Variants in ABL1 observed in about 807,000 individuals in gnomAD.
ABL1 encodes the protein tyrosine-protein kinase ABL1.
A neutral mutation model predicts 94.7 loss-of-function variants in ABL1; 11 were observed. The observed-to-expected ratio is 0.12, with a 90% CI of 0.07 to 0.19. ABL1 has a LOEUF of 0.19. ABL1 is among the 10% of genes least tolerant of loss of function. The pLI is 1.00. For synonymous variants in ABL1, 656 were observed against 622.4 expected (o/e 1.05, Z -0.80); for missense variants, 1,082 against 1,489.4 (o/e 0.73, Z 4.50).
rs1162506997 is a variant in ABL1, at chr9:130,765,164, T to C, written c.136+50709T>C. Among the ~76,000 whole-genome samples the C allele has an allele frequency of 2.0e-5, 3 of 152,176 alleles. No individual in the cohort carries two copies. The East Asian group carries it at 5.8e-4, about 29-fold the overall frequency. Reference sequence around the variant, plus strand: ...GCTTCCTGAAATTACATGCAAACATTTGTGCAGTCTCATGTTTGGTTATTG... The same window carrying C: ...GCTTCCTGAAATTACATGCAAACATCTGTGCAGTCTCATGTTTGGTTATTG... On this transcript the variant is annotated intron_variant, in intron 1 of 10. Coordinates refer to the ABL1 transcript ENST00000372348.
intron 4 of ABL1, among the ~76,000 whole-genome samples, chr9:130,865,413 A>C (rs1003074424): frequency 6.6e-6 from 1 of 152,218 alleles, no homozygotes; most frequent in African/African-American, 2.4e-5. Context: ...CTATTTGTCA[A>C]ATAAGATTAG....
intron 8 of ABL1, among the ~76,000 whole-genome samples, chr9:130,879,011 G>A (rs1474634524): frequency 6.6e-6 from 1 of 151,878 alleles, no homozygotes; most frequent in East Asian, 1.9e-4. Context: ...CCAAGTAGCT[G>A]GGATTACAGG....
At chr9:130,780,993 A>T (rs1829747977) in intron 1 of ABL1, among the ~76,000 whole-genome samples, 1 of 152,198 alleles carries the variant, frequency 6.6e-6, no homozygotes, top group African/African-American at 2.4e-5. Context: ...GTTGGCTCTG[A>T]AGCCAGCCTT....
chr9:130,715,427 T>G (rs1238361793), intron 1 of ABL1, among the ~76,000 whole-genome samples: 1 of 152,234 alleles, frequency 6.6e-6, no homozygotes, highest in East Asian at 1.9e-4. Flanking sequence ...ATTGGGTGAC[T>G]GCAGTCAACA....
chr9:130,714,225 T>G, exon 1 of ABL1: 3 of 1,259,938 alleles, frequency 2.4e-6, no homozygotes, highest in Non-Finnish European at 3.2e-6. Context: ...GCAGCGAATG[T>G]GAAATCCCAC....
At chr9:130,796,021 AAG>A (rs1829969467) in intron 1 of ABL1, among the ~76,000 whole-genome samples, 1 of 151,800 alleles carries the variant, frequency 6.6e-6, no homozygotes, top group Non-Finnish European at 1.5e-5. Context: ...CAAAAATACA[AAG>A]TTAGCTGGGT....
At position 130,863,732 on chromosome 9, in the gene ABL1, A is replaced by ATT. The variant is rs1465704617; in HGVS notation, c.822+700_822+701dup. 6.6e-6 allele frequency among the ~76,000 whole-genome samples: 1 copy of ATT among 152,098 alleles called. No individual in the cohort carries two copies. The highest frequency in any genetic ancestry group is 1.9e-4 in the East Asian group (1 of 5,204). ...AGGACGCCAAGGGAAGGAAGTTTTC[A>ATT]TTTTCAGCCCTTTGCATTCTTCAAA... On this transcript the variant is annotated intron_variant, in intron 4 of 10. Coordinates refer to ENST00000318560, the MANE Select transcript of ABL1 (RefSeq NM_005157.6). This position sits in a 1 kb window ranked among gnomAD's most constrained non-coding sequence, Gnocchi z 4.3.
At chr9:130,751,114 G>GT (rs76073523) in intron 1 of ABL1, among the ~76,000 whole-genome samples, 1 of 83,898 alleles carries the variant, frequency 1.2e-5, no homozygotes, top group East Asian at 3.0e-4. Context: ...TTTGAAACTT[G>GT]TTTTTTTTAT....
chr9:130,715,218 C>T (rs1264067159), intron 1 of ABL1, among the ~76,000 whole-genome samples: 3 of 152,158 alleles, frequency 2.0e-5, no homozygotes, highest in African/African-American at 4.8e-5. Context: ...TAATTCTGTG[C>T]GAAGTTAAAG....
chr9:130,716,313 T>C (rs1056221477), intron 1 of ABL1, among the ~76,000 whole-genome samples: 2 of 152,154 alleles, frequency 1.3e-5, no homozygotes, highest in African/African-American at 4.8e-5. Context: ...GCCAGGCTGG[T>C]CCTGAACTCT....
intron 1 of ABL1, among the ~76,000 whole-genome samples, chr9:130,742,201 T>G (rs1041973902): frequency 6.6e-6 from 1 of 152,190 alleles, no homozygotes; most frequent in African/African-American, 2.4e-5. Flanking sequence ...TTGCCACTTG[T>G]GTGCCCTAAC....
rs57265547 is a variant in ABL1 at position 130,773,628 on chromosome 9, CTTTTTTTTTTTTT to C, written c.136+59181_136+59193del. 1.3e-3 allele frequency among the ~76,000 whole-genome samples: 139 copies of C among 109,000 alleles called. 3 individuals are homozygous for C. The highest frequency in any genetic ancestry group is 4.6e-3 in the African/African-American group (136 of 29,336). 71.5% of individuals were successfully genotyped at this position (109,000 alleles called of 152,430 possible). A position where few individuals can be genotyped will look rare whatever the true frequency, so the allele number is the denominator to read the frequency against. ...TGTGGGCCATCATGCCTGGCTAACT[CTTTTTTTTTTTTT>C]TTTTTTTCATTTTGTAGAGATGGGG... is the stretch of plus-strand genomic sequence containing the variant. On this transcript the variant is annotated intron_variant, in intron 1 of 10. Transcript: ENST00000372348.
intron 1 of ABL1, among the ~76,000 whole-genome samples, chr9:130,746,883 A>G (rs1181201835): frequency 1.3e-5 from 2 of 152,148 alleles, no homozygotes; most frequent in South Asian, 4.1e-4. Flanking sequence ...TGGAGGCCAG[A>G]AATCTGAAAT....
intron 1 of ABL1, among the ~76,000 whole-genome samples, chr9:130,751,986 A>G (rs954708501): frequency 6.6e-6 from 1 of 152,220 alleles, no homozygotes; most frequent in African/African-American, 2.4e-5. Context: ...GGAGGATGGA[A>G]TGGCTATGGA....
intron 4 of ABL1, among the ~76,000 whole-genome samples, chr9:130,867,043 T>C (rs1831168923): frequency 1.3e-5 from 2 of 152,218 alleles, no homozygotes; most frequent in Admixed American, 6.5e-5. Flanking sequence ...TTTCTATGAA[T>C]CAGTTCTCTA....
At chr9:130,762,100 G>A (rs1347590159) in intron 1 of ABL1, among the ~76,000 whole-genome samples, 2 of 145,542 alleles carry the variant, frequency 1.4e-5, no homozygotes, top group Non-Finnish European at 3.0e-5. Flanking sequence ...CCAAGATCAC[G>A]CCATTGCACT....
intron 1 of ABL1, among the ~76,000 whole-genome samples, chr9:130,730,268 C>G (rs1300312394): frequency 6.6e-6 from 1 of 151,490 alleles, no homozygotes; most frequent in Non-Finnish European, 1.5e-5. Context: ...TCTCGAACGC[C>G]CAACCTCAGG....
chr9:130,836,720 G>C (rs1830591713), intron 1 of ABL1, among the ~76,000 whole-genome samples: 1 of 151,638 alleles, frequency 6.6e-6, no homozygotes, highest in South Asian at 2.1e-4. Context: ...AGCTACTCGG[G>C]AGGCTGAGGC....
At chr9:130,845,058 G>A (rs1237092719) in intron 1 of ABL1, among the ~76,000 whole-genome samples, 1 of 152,154 alleles carries the variant, frequency 6.6e-6, no homozygotes, top group South Asian at 2.1e-4. Context: ...ATTCTCACAG[G>A]AAGAGCCTAA....
Sources: gnomAD v4.1 joint callset for allele counts (sites outside exome capture counted in the v4.1 genomes callset) on GRCh38, gnomAD v4.1.1 for gene constraint, Gnocchi (gnomAD v3.1) non-coding constraint, MANE v1.5 for transcripts, NCBI Gene and HGNC (gene_info 2026-07-23, HGNC 2026-07-21) for gene names.